Variants in LNPEP observed in about 807,000 individuals in gnomAD.
LNPEP encodes leucyl-cystinyl aminopeptidase.
In LNPEP, 64 loss-of-function variants were observed where a neutral mutation model predicts 120.6. The observed-to-expected ratio is 0.53, with a 90% CI of 0.43 to 0.65. LNPEP has a LOEUF of 0.65. Ranked by LOEUF, LNPEP falls within the 30% of genes least tolerant of loss-of-function variation. The pLI is 0.00. For synonymous variants in LNPEP, 435 were observed against 425.4 expected (o/e 1.02, Z -0.28); for missense variants, 1,057 against 1,200.0 (o/e 0.88, Z 1.76).
chr5:96,968,277 A>G (rs1227818758), intron 1 of LNPEP, among the ~76,000 whole-genome samples: 1 of 152,084 alleles, frequency 6.6e-6, no homozygotes, highest in Non-Finnish European at 1.5e-5. Context: ...AGCATAATTA[A>G]CACTACACAG....
At chr5:96,944,560 CTTTTTTTTTTTTTTT>C (rs60017687) in intron 1 of LNPEP, among the ~76,000 whole-genome samples, 1 of 56,374 alleles carries the variant, frequency 1.8e-5, no homozygotes, top group African/African-American at 7.4e-5. Context: ...CTTATTTTTG[CTTTTTTTTTTTTTTT>C]TTTTTTTTTT....
chr5:96,990,820 A>G (rs981509468), intron 4 of LNPEP, among the ~76,000 whole-genome samples: 5 of 152,200 alleles, frequency 3.3e-5, no homozygotes, highest in Non-Finnish European at 7.3e-5. Context: ...CCATATTTCT[A>G]TGATTAATGC....
chr5:97,020,560 T>C (rs975607685), intron 13 of LNPEP, among the ~76,000 whole-genome samples: 9 of 152,150 alleles, frequency 5.9e-5, no homozygotes, highest in Non-Finnish European at 1.0e-4. Context: ...CCCAGCACTT[T>C]GGGAGGCCGA....
At chr5:96,982,867 G>T (rs952331745) in intron 2 of LNPEP, among the ~76,000 whole-genome samples, 2 of 152,180 alleles carry the variant, frequency 1.3e-5, no homozygotes, top group Non-Finnish European at 2.9e-5. Flanking sequence ...TCTTGCATTT[G>T]TAATAAATAT....
rs1378424261 is a variant in LNPEP at position 97,032,943 on chromosome 5, T to A, written c.*4410T>A. 1 of 152,242 alleles carries A rather than the reference T, an allele frequency of 6.6e-6. No homozygotes were observed. Among genetic ancestry groups the A allele is most frequent in the African/African-American group, 2.4e-5 (1 of 41,460 alleles). The allele number at this position is 152,242 out of a possible 1,614,324, so 9.4% of individuals were successfully genotyped here. On this transcript the variant is annotated 3_prime_UTR_variant, in exon 18 of 18. Coordinates refer to ENST00000231368, the MANE Select transcript of LNPEP (RefSeq NM_005575.3). ...TGTGCCACCTTTTTATACTTCATTT[T>A]ATACTTGTTTCCTTGTATGGATGCA...
rs1790067057 is a variant in LNPEP, at chr5:96,979,219, C to CTTGT, written c.104_107dup (p.His37PhefsTer7). 6.2e-7 allele frequency: 1 copy of CTTGT among 1,613,690 alleles called. No individual in the cohort carries two copies. Among genetic ancestry groups the CTTGT allele is most frequent in the African/African-American group, 1.3e-5 (1 of 74,870 alleles). On this transcript the variant is annotated frameshift_variant, in exon 2 of 18. Transcript: ENST00000231368. LOFTEE classifies it high-confidence loss of function. ...GATGTGGTGGATTTAGCCAAAGAGCCTTGTTTACATCCTCTAGAGCCTGAT... is the reference window on the plus strand; with the variant it reads ...GATGTGGTGGATTTAGCCAAAGAGCCTTGTTTGTTTACATCCTCTAGAGCCTGAT...
At chr5:97,015,387 A>C (rs1265729497) in intron 13 of LNPEP, among the ~76,000 whole-genome samples, 1 of 152,132 alleles carries the variant, frequency 6.6e-6, no homozygotes, top group Admixed American at 6.6e-5. Context: ...TTTTATTTCT[A>C]CATGATGAAT....
intron 1 of LNPEP, among the ~76,000 whole-genome samples, chr5:96,960,090 C>G (rs1468519952): frequency 6.6e-6 from 1 of 151,792 alleles, no homozygotes; most frequent in Non-Finnish European, 1.5e-5. Context: ...AGGCATGTAC[C>G]ACCACACCTG....
intron 4 of LNPEP, among the ~76,000 whole-genome samples, chr5:96,990,614 C>T (rs1445814470): frequency 6.6e-6 from 1 of 152,086 alleles, no homozygotes; most frequent in Non-Finnish European, 1.5e-5. Flanking sequence ...TTAGCTTAAT[C>T]CTCACAGCAA....
chr5:96,999,497 A>G (rs1034936550), intron 8 of LNPEP, among the ~76,000 whole-genome samples: 3 of 152,210 alleles, frequency 2.0e-5, no homozygotes, highest in Non-Finnish European at 4.4e-5. Flanking sequence ...GCTATATTAA[A>G]TCTATTCCAA....
intron 4 of LNPEP, among the ~76,000 whole-genome samples, chr5:96,990,732 T>G (rs1010230530): frequency 5.9e-5 from 9 of 152,202 alleles, no homozygotes; most frequent in African/African-American, 2.2e-4. Flanking sequence ...ACCCCAGCAC[T>G]GTAAATACAG....
At chr5:96,939,622 A>G (rs947761793) in intron 1 of LNPEP, among the ~76,000 whole-genome samples, 5 of 152,008 alleles carry the variant, frequency 3.3e-5, no homozygotes, top group Non-Finnish European at 1.5e-5. Context: ...TTTCATATGA[A>G]TGTAGGTCCT....
At chr5:96,978,140 C>G (rs757147724) in intron 1 of LNPEP, among the ~76,000 whole-genome samples, 74 of 152,190 alleles carry the variant, frequency 4.9e-4, no homozygotes, top group Non-Finnish European at 7.8e-4. Flanking sequence ...TTTGAGATCC[C>G]TTAAAAACTA....
intron 11 of LNPEP, 110 bp from the exon 12 acceptor site, chr5:97,013,538 T>TA (rs1790989249): frequency 3.7e-6 from 2 of 543,208 alleles, no homozygotes; most frequent in South Asian, 9.0e-5. Flanking sequence ...ATTTTTTTCT[T>TA]ACTAGAATGA....
At chr5:97,026,019 G>C (rs1379975645) in intron 15 of LNPEP, among the ~76,000 whole-genome samples, 1 of 151,938 alleles carries the variant, frequency 6.6e-6, no homozygotes, top group Admixed American at 6.6e-5. Context: ...TTCAGATGTC[G>C]GGCTTTGGTA....
At position 96,998,159 on chromosome 5, in the gene LNPEP, CA is replaced by C; in HGVS notation, c.1653+19del. 1.3e-6 allele frequency: 2 copies of C among 1,576,212 alleles called. No individual in the cohort carries two copies. Among genetic ancestry groups the C allele is most frequent in the Non-Finnish European group, 1.7e-6 (2 of 1,165,654 alleles). ...TCCTATTTTAAGGTATTGCTGTGAA[CA>C]AAAAGGTAGCTGGAGTGGGTTTAAA... On this transcript the variant is annotated intron_variant, in intron 8 of 17. Coordinates refer to ENST00000231368, the MANE Select transcript of LNPEP (RefSeq NM_005575.3).
intron 1 of LNPEP, among the ~76,000 whole-genome samples, chr5:96,968,443 C>T (rs970968797): frequency 6.6e-6 from 1 of 151,490 alleles, no homozygotes; most frequent in Non-Finnish European, 1.5e-5. Context: ...CAGGGACTTA[C>T]CCTGGGGGGA....
In LNPEP at chr5:96,936,088, G is replaced by A. The variant is rs1277444775; in HGVS notation, c.-68G>A. The stretch of plus-strand genomic sequence containing the variant: ...CCGCGCTGGGCATGCTCAGTCAGCT[G>A]GGCCGCCTCAGCTCTCGGAGTAGGA... On this transcript the variant is annotated 5_prime_UTR_variant, in exon 1 of 18. Transcript: ENST00000231368. 1 of 1,504,064 alleles carries A rather than the reference G, an allele frequency of 6.6e-7. No individual in the cohort carries two copies. The highest frequency in any genetic ancestry group is 1.4e-5 in the African/African-American group (1 of 69,096). 93.2% of individuals were successfully genotyped at this position (1,504,064 alleles called of 1,614,324 possible).
chr5:97,006,388 AT>A (rs780482082), intron 10 of LNPEP, 38 bp from the exon 11 acceptor site: 4 of 1,242,558 alleles, frequency 3.2e-6, no homozygotes, highest in East Asian at 2.4e-5. Flanking sequence ...AAAAAAAAAA[AT>A]CATATGTAAC....
Sources: allele counts gnomAD v4.1 joint callset (sites outside exome capture counted in the v4.1 genomes callset), GRCh38; gene constraint gnomAD v4.1.1; transcripts MANE v1.5; gene names NCBI Gene and HGNC (gene_info 2026-07-23, HGNC 2026-07-21).